Variants in NDUFB8 observed in about 807,000 individuals in gnomAD.
NDUFB8 encodes NADH:ubiquinone oxidoreductase subunit B8, also known as NADH dehydrogenase [ubiquinone] 1 beta subcomplex subunit 8, mitochondrial.
NDUFB8 carries 17 observed loss-of-function variants against 26.0 expected under a neutral mutation model. The ratio of observed to expected loss-of-function variants is 0.65; its 90% CI spans 0.45 to 0.98. The LOEUF is 0.98. Among genes scored for constraint, NDUFB8 ranks in the 50% least tolerant of loss-of-function variants. The pLI is 0.00. For missense variants in NDUFB8, 238 were observed against 255.0 expected (o/e 0.93, Z 0.45); for synonymous variants, 89 against 93.1 (o/e 0.96, Z 0.25).
Position 100,524,106 on chromosome 10 carries a change from GA to G in NDUFB8, c.469-178del. The G allele has an allele frequency of 6.3e-7, 1 of 1,574,988 alleles. No individual in the cohort carries two copies. The highest frequency in any genetic ancestry group is 1.9e-5 in the Admixed American group (1 of 53,768). On this transcript the variant is annotated intron_variant, in intron 4 of 4. Coordinates refer to ENST00000299166, the MANE Select transcript of NDUFB8 (RefSeq NM_005004.4). The surrounding 1 kb of genome is among the most constrained non-coding windows in gnomAD (Gnocchi z 4.0). ...TTCCTCACTCAGCCCAAGGCAGAGA[GA>G]AAGCCTAAATTGTAAGAGAAGTGGT...
rs1044402137 is a variant in NDUFB8, at chr10:100,523,787, T to G, written c.*50A>C. On this transcript the variant is annotated 3_prime_UTR_variant, in exon 5 of 5. Coordinates refer to ENST00000299166, the MANE Select transcript of NDUFB8 (RefSeq NM_005004.4). ...AGGGATTTCATTAAGGTTAAATTTC[T>G]AGGAATGAGGGAGTCCTAGTTAGAG... The G allele has an allele frequency of 1.6e-5, 24 of 1,514,624 alleles. No homozygotes were observed. Among genetic ancestry groups the G allele is most frequent in the Non-Finnish European group, 2.2e-5 (24 of 1,095,498 alleles). The allele number at this position is 1,514,624 out of a possible 1,614,324, so 93.8% of individuals were successfully genotyped here. A position where few individuals can be genotyped will look rare whatever the true frequency, so the allele number is the denominator to read the frequency against.
chr10:100,526,946 G>A (rs941134697), intron 3 of NDUFB8, 29 bp downstream of exon 3: 1 of 1,595,618 alleles, frequency 6.3e-7, no homozygotes, highest in African/African-American at 1.3e-5. Context: ...AAGAGAGAAG[G>A]AAGGTCAAAT....
Position 100,523,928 on chromosome 10 carries a change from C to A in NDUFB8, c.470G>T (p.Gly157Val), listed in dbSNP as rs755033805. Residue 157 changes from glycine to valine, a missense_variant and splice_region_variant, in exon 5 of 5, where the codon GGA becomes GTA. By Grantham distance (109) the Gly-to-Val change is moderately radical (BLOSUM62 -3). Coordinates refer to ENST00000299166, the MANE Select transcript of NDUFB8 (RefSeq NM_005004.4). ...ATTATTGTAAGGATACTGCTTTGGTCCCTACAGAAAAAAACACAGGTCAGC... is the reference window on the plus strand; with the variant it reads ...ATTATTGTAAGGATACTGCTTTGGTACCTACAGAAAAAAACACAGGTCAGC... ...GDVYPVYQPV[G>V]PKQYPYNNLY... 6 of 1,614,054 alleles carry A rather than the reference C, an allele frequency of 3.7e-6. No homozygotes were observed. In the Admixed American group the frequency reaches 6.7e-5, roughly 18 times the overall value.
At chr10:100,527,439 C>T (rs1024229436) in intron 2 of NDUFB8, among the ~76,000 whole-genome samples, 5 of 152,084 alleles carry the variant, frequency 3.3e-5, no homozygotes, top group Non-Finnish European at 7.4e-5. Context: ...CCCACCTTTA[C>T]TAAAAATACA....
chr10:100,529,742 T>G (rs1376511405), intron 1 of NDUFB8, 25 bp downstream of exon 1: 5 of 1,608,530 alleles, frequency 3.1e-6, no homozygotes, highest in Non-Finnish European at 4.2e-6. Flanking sequence ...CTTCCCACAC[T>G]GAGGTCTCGC....
At position 100,529,776 on chromosome 10, in the gene NDUFB8, C is replaced by A. The variant is rs1028329871; in HGVS notation, c.76G>T (p.Ala26Ser). The A allele has an allele frequency of 1.9e-6, 3 of 1,613,220 alleles. No homozygotes were observed. Among genetic ancestry groups the A allele is most frequent in the Admixed American group, 1.7e-5 (1 of 59,968 alleles). The change falls in exon 1 of 5, where the codon GCA becomes TCA. Residue 26 changes from alanine (A) to serine (S), a missense_variant. Coordinates refer to ENST00000299166, the MANE Select transcript of NDUFB8 (RefSeq NM_005004.4). Reference protein sequence around the residue: ...RASRNVMPLGARTASHMTKDM... With the variant: ...RASRNVMPLGSRTASHMTKDM... ...GCCCGTTCTCGCGGACCTGTCCGTG[C>A]GCCCAGCGGCATCACGTTCCGGGAT...
chr10:100,527,024 G>A lies in NDUFB8; in HGVS notation c.263C>T (p.Pro88Leu). The A allele has an allele frequency of 6.2e-7, 1 of 1,614,160 alleles. No individual in the cohort carries two copies. The highest frequency in any genetic ancestry group is 8.5e-7 in the Non-Finnish European group (1 of 1,180,024). ...GCCCGGCTGGTCCCAGCTATACCAT[G>A]GATCTCTCTCATGCTGTGAGCGGTC... Reference protein sequence around the residue: ...LPDRSQHERDPWYSWDQPGLR... With the variant: ...LPDRSQHERDLWYSWDQPGLR... The change falls in exon 3 of 5, where the codon CCA becomes CTA. Residue 88 changes from proline to leucine, a missense_variant. Coordinates refer to ENST00000299166, the MANE Select transcript of NDUFB8 (RefSeq NM_005004.4).
rs1852022279 is a variant in NDUFB8, at chr10:100,525,180, C to G, written c.468+1219G>C. On this transcript the variant is annotated intron_variant, in intron 4 of 4. Transcript: ENST00000299166. ...GGTTTTTAGCAAGTCTCCAGGAAAC[C>G]AATGCAGCCGGTTATTTAGGAACGA... 2.0e-5 allele frequency among the ~76,000 whole-genome samples: 3 copies of G among 152,114 alleles called. No individual in the cohort carries two copies. The South Asian group carries it at 6.2e-4, about 32-fold the overall frequency.
In NDUFB8 at chr10:100,524,674, G is replaced by A. The variant is rs1298067896; in HGVS notation, c.469-745C>T. On this transcript the variant is annotated intron_variant, in intron 4 of 4. Coordinates refer to ENST00000299166, the MANE Select transcript of NDUFB8 (RefSeq NM_005004.4). The surrounding 1 kb of genome is among the most constrained non-coding windows in gnomAD (Gnocchi z 4.0). The stretch of plus-strand genomic sequence containing the variant: ...ACCAGCTACCTTCAGGACATTGATT[G>A]TCTCTGCAGAGGTAGCACTGGGCAG... 2.0e-5 allele frequency among the ~76,000 whole-genome samples: 3 copies of A among 152,214 alleles called. No homozygotes were observed. The highest frequency in any genetic ancestry group is 4.8e-5 in the African/African-American group (2 of 41,454).
At position 100,526,213 on chromosome 10, in the gene NDUFB8, G is replaced by A. The variant is rs182281336; in HGVS notation, c.468+186C>T. 394 of 567,120 alleles carry A rather than the reference G, an allele frequency of 6.9e-4. 1 individual carries two copies. Among genetic ancestry groups the A allele is most frequent in the Non-Finnish European group, 9.9e-4 (341 of 343,614 alleles). 35.1% of individuals were successfully genotyped at this position (567,120 alleles called of 1,614,324 possible). A position where few individuals can be genotyped will look rare whatever the true frequency, so the allele number is the denominator to read the frequency against. On this transcript the variant is annotated intron_variant, in intron 4 of 4. Transcript: ENST00000299166. ...CTACTCACCCAGACTGGTCCAAGAA[G>A]TAGGGGTGGAGAAGTGCTGTGGTAC...
At position 100,524,671 on chromosome 10, in the gene NDUFB8, AT is replaced by A. The variant is rs1049213758; in HGVS notation, c.469-743del. Among the ~76,000 whole-genome samples, 63 of 152,280 alleles carry A rather than the reference AT, an allele frequency of 4.1e-4. No homozygotes were observed. The highest frequency in any genetic ancestry group is 1.5e-3 in the African/African-American group (62 of 41,546). ...CATACCAGCTACCTTCAGGACATTG[AT>A]TGTCTCTGCAGAGGTAGCACTGGGC... On this transcript the variant is annotated intron_variant, in intron 4 of 4. Transcript: ENST00000299166. The surrounding 1 kb of genome is among the most constrained non-coding windows in gnomAD (Gnocchi z 4.0).
In NDUFB8 at chr10:100,526,436, C is replaced by T. The variant is rs1166474531; in HGVS notation, c.431G>A (p.Cys144Tyr). The T allele has an allele frequency of 5.6e-6, 9 of 1,611,672 alleles. No individual in the cohort carries two copies. Among genetic ancestry groups the T allele is most frequent in the Non-Finnish European group, 7.6e-6 (9 of 1,179,342 alleles). ...FGFLAFMIFM[C>Y]WVGDVYPVYQ... ...GACAGGGTACACGTCCCCCACCCAG[C>T]ACATGAATATCATGAAAGCCAGGAA... The change falls in exon 4 of 5, where the codon TGC becomes TAC. Residue 144 changes from cysteine to tyrosine, a missense_variant. Cys to Tyr is a radical substitution (Grantham distance 194). Coordinates refer to ENST00000299166, the MANE Select transcript of NDUFB8 (RefSeq NM_005004.4).
rs760545213 is a variant in NDUFB8, at chr10:100,529,852, C to G, written c.-1G>C. On this transcript the variant is annotated 5_prime_UTR_variant, in exon 1 of 5. Coordinates refer to ENST00000299166, the MANE Select transcript of NDUFB8 (RefSeq NM_005004.4). ...AGACCCCGGCCCTGGCCACCGCCAT[C>G]TTCACCTTCTTCACGTTTCCCTTCT... 6 of 1,613,802 alleles carry G rather than the reference C, an allele frequency of 3.7e-6. No homozygotes were observed. The East Asian group carries it at 6.7e-5, about 18-fold the overall frequency.
chr10:100,529,793 T>G lies in NDUFB8; in HGVS notation c.59A>C (p.Asn20Thr). The G allele has an allele frequency of 6.2e-7, 1 of 1,613,730 alleles. No homozygotes were observed. The highest frequency in any genetic ancestry group is 8.5e-7 in the Non-Finnish European group (1 of 1,179,910). ...GVQWLQRASR[N>T]VMPLGARTAS... ...TGTCCGTGCGCCCAGCGGCATCACG[T>G]TCCGGGATGCCCTTTGCAGCCACTG... is the stretch of plus-strand genomic sequence containing the variant. The change falls in exon 1 of 5, where the codon AAC becomes ACC. Residue 20 changes from asparagine (N) to threonine (T), a missense_variant. By Grantham distance (65) the Asn-to-Thr change is moderately conservative (BLOSUM62 0). Coordinates refer to ENST00000299166, the MANE Select transcript of NDUFB8 (RefSeq NM_005004.4).
chr10:100,526,437 A>G lies in NDUFB8; in HGVS notation c.430T>C (p.Cys144Arg). The change falls in exon 4 of 5, where the codon TGC becomes CGC. Residue 144 changes from cysteine (C) to arginine (R), a missense_variant. Cys to Arg is a radical substitution (Grantham distance 180, BLOSUM62 -3). Transcript: ENST00000299166. ...ACAGGGTACACGTCCCCCACCCAGC[A>G]CATGAATATCATGAAAGCCAGGAAA... ...FGFLAFMIFMCWVGDVYPVYQ... is the reference protein window; with the variant it reads ...FGFLAFMIFMRWVGDVYPVYQ... The G allele has an allele frequency of 6.2e-7, 1 of 1,611,920 alleles. No homozygotes were observed.
At chr10:100,529,624 T>C in intron 1 of NDUFB8, 118 bp from the exon 2 acceptor site, 2 of 1,551,372 alleles carry the variant, frequency 1.3e-6, no homozygotes, top group Non-Finnish European at 1.8e-6. Context: ...AGTGCGATCC[T>C]CCACCCCATT....
At chr10:100,529,897 T>C, upstream of NDUFB8, 1 of 1,592,618 alleles carries the variant, frequency 6.3e-7, no homozygotes, top group Non-Finnish European at 8.6e-7. Flanking sequence ...CAAAGGCCTG[T>C]CACGGCGGCT....
At chr10:100,526,175 T>C (rs1852046820) in intron 4 of NDUFB8, 1 of 424,682 alleles carries the variant, frequency 2.4e-6, no homozygotes, top group Non-Finnish European at 4.1e-6. Flanking sequence ...GCTCATCTAG[T>C]CTTCAAGTGT....
rs185997433 is a variant in NDUFB8, at chr10:100,524,436, G to A, written c.469-507C>T. ...GAGACAAGGCTGGGACGTGCTTTAG[G>A]GGCTGCTGGCTTTACCAACAAACAG... On this transcript the variant is annotated intron_variant, in intron 4 of 4. Transcript: ENST00000299166. This position sits in a 1 kb window ranked among gnomAD's most constrained non-coding sequence, Gnocchi z 4.0. Among the ~76,000 whole-genome samples the A allele has an allele frequency of 2.6e-5, 4 of 152,248 alleles. No individual in the cohort carries two copies. Among genetic ancestry groups the A allele is most frequent in the African/African-American group, 9.6e-5 (4 of 41,538 alleles).
Sources: allele counts gnomAD v4.1 joint callset (sites outside exome capture counted in the v4.1 genomes callset), GRCh38; gene constraint gnomAD v4.1.1; non-coding constraint Gnocchi (gnomAD v3.1); transcripts MANE v1.5; gene names NCBI Gene and HGNC (gene_info 2026-07-23, HGNC 2026-07-21).